Variants in CHSY3 observed in about 807,000 individuals in gnomAD.
The protein encoded by CHSY3 is chondroitin sulfate synthase 3, also known as N-acetylgalactosaminyl-proteoglycan 3-beta-glucuronosyltransferase 3.
A neutral mutation model predicts 67.2 loss-of-function variants in CHSY3; 35 were observed. That is an observed-to-expected ratio of 0.52 (90% CI 0.40 to 0.69). The LOEUF (loss-of-function observed/expected upper bound fraction) is 0.69, where lower values mean the gene tolerates loss of function less well. Ranked by LOEUF, CHSY3 falls within the 30% of genes least tolerant of loss-of-function variation. The pLI is 0.00. For missense variants in CHSY3, 1,069 were observed against 1,138.5 expected, an observed-to-expected ratio of 0.94 and a Z score of 0.88; for synonymous variants, 474 against 434.7, an observed-to-expected ratio of 1.09 and a Z score of -1.12.
At chr5:130,063,310 C>A (rs1765771229) in intron 2 of CHSY3, among the ~76,000 whole-genome samples, 1 of 151,624 alleles carries the variant, frequency 6.6e-6, no homozygotes, top group South Asian at 2.1e-4. Flanking sequence ...TTGTCTTCAA[C>A]TTTTGGAGCC....
At chr5:130,043,496 T>C (rs1765060538) in intron 2 of CHSY3, among the ~76,000 whole-genome samples, 1 of 152,142 alleles carries the variant, frequency 6.6e-6, no homozygotes, top group African/African-American at 2.4e-5. Flanking sequence ...TTTGCCCTGT[T>C]TCACAGTCTT....
At chr5:130,118,873 CCT>C (rs1304046403) in intron 2 of CHSY3, among the ~76,000 whole-genome samples, 1 of 152,048 alleles carries the variant, frequency 6.6e-6, no homozygotes, top group Non-Finnish European at 1.5e-5. Flanking sequence ...GCCAAATTTT[CCT>C]CTTTCTTTCA....
chr5:130,020,422 AATATAT>A (rs1174657766), intron 2 of CHSY3, among the ~76,000 whole-genome samples: 17 of 33,362 alleles, frequency 5.1e-4, no homozygotes, highest in African/African-American at 6.4e-4. Flanking sequence ...TTCATCTCAA[AATATAT>A]ATATATATAT....
intron 2 of CHSY3, among the ~76,000 whole-genome samples, chr5:130,145,037 C>T (rs1769029777): frequency 6.6e-6 from 1 of 152,090 alleles, no homozygotes; most frequent in South Asian, 2.1e-4. Flanking sequence ...CACATTTAAA[C>T]AACCAGATCT....
chr5:130,002,630 A>G (rs770466945), intron 2 of CHSY3, among the ~76,000 whole-genome samples: 2 of 152,184 alleles, frequency 1.3e-5, no homozygotes, highest in Non-Finnish European at 2.9e-5. Flanking sequence ...ATGAGATCCT[A>G]AAGAGACATA....
At chr5:130,123,783 C>T (rs1055318136) in intron 2 of CHSY3, among the ~76,000 whole-genome samples, 4 of 152,064 alleles carry the variant, frequency 2.6e-5, no homozygotes, top group African/African-American at 4.8e-5. Flanking sequence ...TCTGGCCAGG[C>T]GTAGTGGCTC....
At chr5:129,947,633 A>AT (rs1761898542) in intron 2 of CHSY3, among the ~76,000 whole-genome samples, 1 of 146,800 alleles carries the variant, frequency 6.8e-6, no homozygotes, top group South Asian at 2.2e-4. Flanking sequence ...AAAAAAAAAA[A>AT]CAAAACGAAA....
intron 2 of CHSY3, among the ~76,000 whole-genome samples, chr5:130,111,083 G>T (rs749078172): frequency 2.6e-5 from 4 of 151,984 alleles, no homozygotes; most frequent in Non-Finnish European, 5.9e-5. Context: ...TCATATGAAA[G>T]AATGCTGCCT....
intron 2 of CHSY3, among the ~76,000 whole-genome samples, chr5:130,100,833 C>T (rs1259177286): frequency 6.6e-6 from 1 of 152,140 alleles, no homozygotes; most frequent in Non-Finnish European, 1.5e-5. Flanking sequence ...TTGTAATTGC[C>T]ATTTCAACCC....
chr5:130,120,571 A>ACTAC (rs1767981147), intron 2 of CHSY3, among the ~76,000 whole-genome samples: 1 of 151,918 alleles, frequency 6.6e-6, no homozygotes, highest in African/African-American at 2.4e-5. Flanking sequence ...CCTGACCCAA[A>ACTAC]CTACCTGTGA....
intron 2 of CHSY3, among the ~76,000 whole-genome samples, chr5:130,113,260 C>T (rs1767645216): frequency 6.6e-6 from 1 of 152,040 alleles, no homozygotes; most frequent in Non-Finnish European, 1.5e-5. Flanking sequence ...ATTTCAGCTG[C>T]AAAATCTCAG....
intron 2 of CHSY3, among the ~76,000 whole-genome samples, chr5:130,126,262 G>C (rs1040463244): frequency 4.0e-5 from 6 of 150,522 alleles, no homozygotes; most frequent in African/African-American, 1.5e-4. Context: ...AAGGAAAAAA[G>C]ACCAATGATT....
At chr5:130,153,662 C>A (rs967231923) in intron 2 of CHSY3, among the ~76,000 whole-genome samples, 4 of 152,174 alleles carry the variant, frequency 2.6e-5, no homozygotes, top group Non-Finnish European at 5.9e-5. Context: ...GCAAGTGCCA[C>A]AGCTGGTCTT....
chr5:130,130,116 G>T (rs564392987), intron 2 of CHSY3, among the ~76,000 whole-genome samples: 7 of 152,104 alleles, frequency 4.6e-5, no homozygotes, highest in Admixed American at 2.0e-4. Flanking sequence ...TAGGATGTCA[G>T]AGTTTATAGA....
chr5:129,971,545 C>T (rs1384280817), intron 2 of CHSY3, among the ~76,000 whole-genome samples: 1 of 151,890 alleles, frequency 6.6e-6, no homozygotes, highest in Non-Finnish European at 1.5e-5. Flanking sequence ...TCTGTCTTCA[C>T]AGCAACTCTG....
chr5:129,934,057 AT>A (rs1391270658), intron 2 of CHSY3, among the ~76,000 whole-genome samples: 1 of 152,230 alleles, frequency 6.6e-6, no homozygotes, highest in Admixed American at 6.5e-5. Flanking sequence ...ATGATTTTAG[AT>A]TTGTGTGAAA....
At chr5:130,135,722 A>C (rs983253411) in intron 2 of CHSY3, among the ~76,000 whole-genome samples, 2 of 152,076 alleles carry the variant, frequency 1.3e-5, no homozygotes, top group Non-Finnish European at 2.9e-5. Context: ...CATGACTCAT[A>C]TCTCTGGAAA....
At chr5:130,041,790 G>A (rs1040261652) in intron 2 of CHSY3, among the ~76,000 whole-genome samples, 1 of 152,082 alleles carries the variant, frequency 6.6e-6, no homozygotes, top group African/African-American at 2.4e-5. Flanking sequence ...AGGATTAAAT[G>A]CATAGTGATC....
rs116621473 is a variant in CHSY3 at position 129,995,702 on chromosome 5, A to G, written c.1086+87342A>G. ...ATTCTAGTCATTAGTTCTGACTCCA[A>G]CAACTACACTGTTATCCACTATACT... is the stretch of plus-strand genomic sequence containing the variant. On this transcript the variant is annotated intron_variant, in intron 2 of 2. Coordinates refer to ENST00000305031, the MANE Select transcript of CHSY3 (RefSeq NM_175856.5). 4.7e-3 allele frequency among the ~76,000 whole-genome samples: 718 copies of G among 152,048 alleles called. 10 individuals are homozygous for G. The highest frequency in any genetic ancestry group is 0.016 in the African/African-American group (671 of 41,482).
Sources: allele counts gnomAD v4.1 joint callset (sites outside exome capture counted in the v4.1 genomes callset), GRCh38; gene constraint gnomAD v4.1.1; transcripts MANE v1.5; gene names NCBI Gene and HGNC (gene_info 2026-07-23, HGNC 2026-07-21).